SIMC1: variants seen among roughly 807,000 people sequenced by gnomAD.
The protein encoded by SIMC1 is SUMO interacting motifs containing 1.
In SIMC1, 55 loss-of-function variants were observed where a neutral mutation model predicts 82.3. That is an observed-to-expected ratio of 0.67 (90% CI 0.54 to 0.84). The LOEUF (loss-of-function observed/expected upper bound fraction) is 0.84. SIMC1 is among the 40% of genes least tolerant of loss of function. The probability of loss-of-function intolerance (pLI) is 0.00; values close to 1 mark genes in which losing one functional copy is unlikely to be tolerated. For missense variants in SIMC1, 915 were observed against 1,107.2 expected (o/e 0.83, Z 2.46); for synonymous variants, 353 against 426.3 (o/e 0.83, Z 2.12).
At chr5:176,334,529 C>T (rs893189960) in intron 7 of SIMC1, among the ~76,000 whole-genome samples, 2 of 152,290 alleles carry the variant, frequency 1.3e-5, no homozygotes, top group East Asian at 1.9e-4. Context: ...CAGCTTGCAA[C>T]CCCCCAGTAG....
chr5:176,283,591 T>G (rs184302047), intron 1 of SIMC1, among the ~76,000 whole-genome samples: 43 of 152,240 alleles, frequency 2.8e-4, no homozygotes, highest in Non-Finnish European at 5.4e-4. Flanking sequence ...TAAAGACCAT[T>G]GAGACTAGGA....
At chr5:176,276,307 T>A (rs1323515042) in intron 1 of SIMC1, among the ~76,000 whole-genome samples, 4 of 151,656 alleles carry the variant, frequency 2.6e-5, no homozygotes, top group East Asian at 3.9e-4. Flanking sequence ...TTCTTTGGGA[T>A]CGGTGGTGAT....
chr5:176,321,969 T>A (rs1765181982), intron 5 of SIMC1, among the ~76,000 whole-genome samples: 2 of 129,630 alleles, frequency 1.5e-5, no homozygotes, highest in Admixed American at 1.9e-4. Context: ...CAAAAGATCC[T>A]CCCACCTCAG....
At chr5:176,338,268 GA>G (rs1296978029) in intron 9 of SIMC1, among the ~76,000 whole-genome samples, 1 of 152,124 alleles carries the variant, frequency 6.6e-6, no homozygotes, top group Non-Finnish European at 1.5e-5. Context: ...ACATTTAAAA[GA>G]AACTAAAGCA....
intron 4 of SIMC1, among the ~76,000 whole-genome samples, chr5:176,302,707 A>G (rs1764094935): frequency 1.3e-5 from 2 of 152,236 alleles, no homozygotes; most frequent in South Asian, 4.1e-4. Context: ...GAATTCAGCA[A>G]AACAGCAGTA....
intron 1 of SIMC1, 44 bp from the exon 2 acceptor site, chr5:176,289,610 A>G (rs1763450915): frequency 1.4e-6 from 2 of 1,451,232 alleles, no homozygotes; most frequent in Middle Eastern, 1.8e-4. Context: ...GATAAAGCTA[A>G]TACTCCCATC....
At chr5:176,302,607 A>G (rs1764089157) in intron 4 of SIMC1, among the ~76,000 whole-genome samples, 1 of 152,196 alleles carries the variant, frequency 6.6e-6, no homozygotes. Context: ...AGGGAGAAGT[A>G]AAATATCTTT....
chr5:176,280,554 G>A (rs1028027384), intron 1 of SIMC1, among the ~76,000 whole-genome samples: 1 of 152,150 alleles, frequency 6.6e-6, no homozygotes, highest in African/African-American at 2.4e-5. Flanking sequence ...ATTTTGGCAT[G>A]ATTTTGGAGC....
chr5:176,319,189 A>T (rs1347245857), intron 5 of SIMC1, among the ~76,000 whole-genome samples: 1 of 152,202 alleles, frequency 6.6e-6, no homozygotes, highest in Non-Finnish European at 1.5e-5. Context: ...GGAAGTTTGT[A>T]AAGTTCTCTT....
At chr5:176,337,824 T>C (rs191858199) in intron 9 of SIMC1, among the ~76,000 whole-genome samples, 2 of 152,316 alleles carry the variant, frequency 1.3e-5, no homozygotes, top group Admixed American at 1.3e-4. Context: ...TCTATGAAAG[T>C]GGCTCTTCAG....
At chr5:176,250,189 G>T (rs891718606) in intron 1 of SIMC1, among the ~76,000 whole-genome samples, 4 of 152,252 alleles carry the variant, frequency 2.6e-5, no homozygotes, top group African/African-American at 4.8e-5. Context: ...AGGTTTCAAA[G>T]AATTATTTAT....
chr5:176,267,752 T>TTG (rs1762258001), intron 1 of SIMC1, among the ~76,000 whole-genome samples: 1 of 98,314 alleles, frequency 1.0e-5, no homozygotes, highest in African/African-American at 4.4e-5. Flanking sequence ...TTTTTTTTTT[T>TTG]TTTTTTTTTT....
chr5:176,255,390 T>A, intron 1 of SIMC1, among the ~76,000 whole-genome samples: 1 of 152,138 alleles, frequency 6.6e-6, no homozygotes, highest in Admixed American at 6.5e-5. Context: ...GAGACCAGCC[T>A]GGCCAACATG....
At chr5:176,272,175 A>T in intron 1 of SIMC1, among the ~76,000 whole-genome samples, 1 of 133,474 alleles carries the variant, frequency 7.5e-6, no homozygotes, top group Non-Finnish European at 1.6e-5. Flanking sequence ...ATCTCTACAA[A>T]AAAAAAAAAA....
chr5:176,242,810 G>T (rs1761316021), intron 1 of SIMC1, among the ~76,000 whole-genome samples: 1 of 151,948 alleles, frequency 6.6e-6, no homozygotes, highest in South Asian at 2.1e-4. Context: ...TCTTAGAGGT[G>T]CTGGGAATAC....
chr5:176,330,766 A>G (rs1456775457), intron 7 of SIMC1, among the ~76,000 whole-genome samples: 2 of 152,240 alleles, frequency 1.3e-5, no homozygotes, highest in Non-Finnish European at 2.9e-5. Context: ...TTTGGCAACC[A>G]TCATAATATT....
At chr5:176,307,236 CAGTG>C (rs143062844) in intron 4 of SIMC1, among the ~76,000 whole-genome samples, 212 of 152,236 alleles carry the variant, frequency 1.4e-3, no homozygotes, top group African/African-American at 4.7e-3. Flanking sequence ...CTATGGAAAA[CAGTG>C]AGGGAGTGTG....
At chr5:176,276,907 T>A (rs1405332921) in intron 1 of SIMC1, among the ~76,000 whole-genome samples, 1 of 150,582 alleles carries the variant, frequency 6.6e-6, no homozygotes, top group African/African-American at 2.4e-5. Flanking sequence ...GCAGTAAACA[T>A]ACGTGTACAT....
At chr5:176,256,131 G>C (rs1180261430) in intron 1 of SIMC1, among the ~76,000 whole-genome samples, 1 of 152,056 alleles carries the variant, frequency 6.6e-6, no homozygotes, top group Non-Finnish European at 1.5e-5. Context: ...GAGAAAGGAA[G>C]ACTAAAAAAC....
Sources: allele counts gnomAD v4.1 joint callset (sites outside exome capture counted in the v4.1 genomes callset), GRCh38; gene constraint gnomAD v4.1.1; transcripts MANE v1.5; gene names NCBI Gene and HGNC (gene_info 2026-07-23, HGNC 2026-07-21).